SDK1: variants seen among roughly 807,000 people sequenced by gnomAD.
SDK1 encodes the protein protein sidekick-1.
In SDK1, 157 loss-of-function variants were observed where a neutral mutation model predicts 245.5. That is an observed-to-expected ratio of 0.64 (90% CI 0.56 to 0.73). SDK1 has a LOEUF of 0.73. SDK1 is among the 30% of genes least tolerant of loss of function. SDK1 has a pLI of 0.00. For synonymous variants in SDK1, 1,647 were observed against 1,278.5 expected (o/e 1.29, Z -6.15); for missense variants, 3,583 against 3,002.3 (o/e 1.19, Z -4.52).
chr7:4,138,253 A>C (rs1779226596), intron 28 of SDK1, among the ~76,000 whole-genome samples: 1 of 152,026 alleles, frequency 6.6e-6, no homozygotes, highest in South Asian at 2.1e-4. Flanking sequence ...AGGGGAGGGG[A>C]GGGCGACCCC....
intron 13 of SDK1, among the ~76,000 whole-genome samples, chr7:3,980,860 G>T (rs1028686789): frequency 7.3e-5 from 11 of 151,724 alleles, no homozygotes; most frequent in African/African-American, 2.7e-4. Flanking sequence ...AGAATTGCTC[G>T]AACTCAGGAG....
chr7:3,538,419 C>A (rs559562656), intron 1 of SDK1, among the ~76,000 whole-genome samples: 122 of 152,094 alleles, frequency 8.0e-4, no homozygotes, highest in African/African-American at 2.9e-3. Flanking sequence ...TTAATTTTGC[C>A]TTTTAATGTA....
chr7:4,256,283 G>C (rs1208311940), intron 44 of SDK1, among the ~76,000 whole-genome samples: 1 of 152,192 alleles, frequency 6.6e-6, no homozygotes, highest in South Asian at 2.1e-4. Flanking sequence ...GTTCCGCTGG[G>C]GAGAGGGTCT....
intron 4 of SDK1, among the ~76,000 whole-genome samples, chr7:3,736,169 G>C (rs1657294183): frequency 6.6e-6 from 1 of 152,092 alleles, no homozygotes; most frequent in Admixed American, 6.5e-5. Context: ...TTTGTCCTTT[G>C]ATGGCACAGA....
intron 5 of SDK1, among the ~76,000 whole-genome samples, chr7:3,930,861 A>G (rs1254607577): frequency 1.3e-5 from 2 of 152,206 alleles, no homozygotes; most frequent in Non-Finnish European, 2.9e-5. Flanking sequence ...TAGGTTTGGA[A>G]CAAGAAAAGA....
chr7:3,407,266 T>C (rs1435333090), intron 1 of SDK1, among the ~76,000 whole-genome samples: 1 of 152,228 alleles, frequency 6.6e-6, no homozygotes. Flanking sequence ...GTAAAACACA[T>C]AATCTTTGCT....
intron 16 of SDK1, among the ~76,000 whole-genome samples, chr7:4,012,815 C>T (rs1786097330): frequency 6.6e-6 from 1 of 151,908 alleles, no homozygotes; most frequent in African/African-American, 2.4e-5. Context: ...CTCAGGTGAC[C>T]TGTCCTCCTC....
At chr7:3,809,612 A>G (rs1347365292) in intron 4 of SDK1, among the ~76,000 whole-genome samples, 1 of 152,212 alleles carries the variant, frequency 6.6e-6, no homozygotes, top group Admixed American at 6.5e-5. Context: ...GATGGAAAGC[A>G]TTTCAAAAAG....
In SDK1 at chr7:4,221,319, G is replaced by T; in HGVS notation, c.5782G>T (p.Gly1928Cys). ...GCTGCAGTGGACTGAGGGACACTCT[G>T]GCGACACACCTACCACGGGCTATGT... is the stretch of plus-strand genomic sequence containing the variant. ...LTLQWTEGHS[G>C]DTPTTGYVIE... Residue 1928 changes from glycine (G) to cysteine (C), a missense_variant, in exon 40 of 45, where the codon GGC becomes TGC. Gly to Cys is a radical substitution (Grantham distance 159). Transcript: ENST00000404826. The T allele has an allele frequency of 6.2e-7, 1 of 1,613,396 alleles. No individual in the cohort carries two copies. The highest frequency in any genetic ancestry group is 8.5e-7 in the Non-Finnish European group (1 of 1,179,828).
intron 1 of SDK1, among the ~76,000 whole-genome samples, chr7:3,588,118 G>A (rs1331206229): frequency 2.0e-5 from 3 of 152,074 alleles, no homozygotes; most frequent in Non-Finnish European, 2.9e-5. Context: ...TGCCATTCTC[G>A]TTTTACAGGT....
At chr7:3,750,911 G>A (rs1220615956) in intron 4 of SDK1, among the ~76,000 whole-genome samples, 2 of 152,216 alleles carry the variant, frequency 1.3e-5, no homozygotes, top group Non-Finnish European at 2.9e-5. Context: ...AGCGCTAACA[G>A]CACAGAAGAG....
At chr7:3,917,304 C>G (rs1779418232) in intron 5 of SDK1, among the ~76,000 whole-genome samples, 1 of 152,162 alleles carries the variant, frequency 6.6e-6, no homozygotes, top group Admixed American at 6.5e-5. Flanking sequence ...TTTATTGAAC[C>G]TCTGTGTTCT....
chr7:3,520,371 C>T (rs146099860), intron 1 of SDK1, among the ~76,000 whole-genome samples: 85 of 152,212 alleles, frequency 5.6e-4, no homozygotes, highest in African/African-American at 2.0e-3. Flanking sequence ...CTATTGAGTC[C>T]TTGTATGGTT....
At chr7:3,600,791 G>A (rs934881845) in intron 1 of SDK1, among the ~76,000 whole-genome samples, 8 of 151,900 alleles carry the variant, frequency 5.3e-5, no homozygotes, top group Non-Finnish European at 8.8e-5. Context: ...CTCATGATCC[G>A]GCCATCTCGG....
At chr7:4,153,754 G>A (rs1780543317) in intron 30 of SDK1, among the ~76,000 whole-genome samples, 1 of 152,160 alleles carries the variant, frequency 6.6e-6, no homozygotes, top group Admixed American at 6.5e-5. Context: ...ATCGTTCACT[G>A]CAGCCTCCAA....
At chr7:3,810,218 C>G (rs913780040) in intron 4 of SDK1, among the ~76,000 whole-genome samples, 1 of 152,190 alleles carries the variant, frequency 6.6e-6, no homozygotes, top group African/African-American at 2.4e-5. Flanking sequence ...AGACGCCTTT[C>G]TGTCCTCACT....
intron 13 of SDK1, among the ~76,000 whole-genome samples, chr7:3,982,685 A>G (rs1271005152): frequency 6.6e-6 from 1 of 152,050 alleles, no homozygotes; most frequent in Non-Finnish European, 1.5e-5. Flanking sequence ...CTAAAAATAC[A>G]AAAAATTAGC....
At chr7:3,305,956 TC>T (rs1488999193) in intron 1 of SDK1, among the ~76,000 whole-genome samples, 1 of 152,198 alleles carries the variant, frequency 6.6e-6, no homozygotes, top group East Asian at 1.9e-4. Flanking sequence ...TAACTAACTT[TC>T]CTGAGGTCCC....
chr7:3,506,117 T>C lies in SDK1; in HGVS notation c.299-112963T>C, dbSNP rs74954377. Among the ~76,000 whole-genome samples, 45 of 152,334 alleles carry C rather than the reference T, an allele frequency of 3.0e-4. 1 individual carries two copies. In the East Asian group the frequency reaches 4.8e-3, roughly 16 times the overall value. On this transcript the variant is annotated intron_variant, in intron 1 of 44. Coordinates refer to ENST00000404826, the MANE Select transcript of SDK1 (RefSeq NM_152744.4). ...GATGCAAGTTTTCATCTGACAACAC[T>C]TTCTCTTTGCCAAAAGAACTTCTTG...
Sources: allele counts gnomAD v4.1 joint callset (sites outside exome capture counted in the v4.1 genomes callset), GRCh38; gene constraint gnomAD v4.1.1; transcripts MANE v1.5; gene names NCBI Gene and HGNC (gene_info 2026-07-23, HGNC 2026-07-21).